Variants in P2RY14 observed in about 807,000 individuals in gnomAD.
P2RY14 encodes P2Y purinoceptor 14.
In P2RY14, 2 loss-of-function variants were observed where a neutral mutation model predicts 0.9. That is an observed-to-expected ratio of 2.16 (90% CI 0.88 to 6.79). The LOEUF (loss-of-function observed/expected upper bound fraction) is 6.79. Ranked by LOEUF, P2RY14 falls within the 30% of genes most tolerant of loss-of-function variation. P2RY14 has a pLI of 0.05. For missense variants in P2RY14, 378 were observed against 400.1 expected (o/e 0.94, Z 0.47); for synonymous variants, 158 against 147.2 (o/e 1.07, Z -0.53).
At chr3:151,233,305 A>C (rs182628648) in intron 1 of P2RY14, among the ~76,000 whole-genome samples, 1 of 152,340 alleles carries the variant, frequency 6.6e-6, no homozygotes, top group Admixed American at 6.5e-5. Context: ...AGCAATAGCT[A>C]CCATTCATTT....
chr3:151,263,452 G>A (rs1374873798), intron 1 of P2RY14, among the ~76,000 whole-genome samples: 1 of 152,170 alleles, frequency 6.6e-6, no homozygotes, highest in Non-Finnish European at 1.5e-5. Context: ...AAGTCACTGA[G>A]CCTTTAAATA....
rs552056809 is a variant in P2RY14 at position 151,238,677 on chromosome 3, GACAT to G, written c.-132-19039_-132-19036del. On this transcript the variant is annotated intron_variant, in intron 1 of 2. Coordinates refer to ENST00000309170, the MANE Select transcript of P2RY14 (RefSeq NM_014879.4). ...TGTTCATTGCATTTTATACCTTACT[GACAT>G]ACAATCTTAAACAAGAAAAGAAAAA... Among the ~76,000 whole-genome samples the G allele has an allele frequency of 5.3e-4, 73 of 136,824 alleles. 1 individual carries two copies. The highest frequency in any genetic ancestry group is 3.6e-3 in the Middle Eastern group (1 of 276). The allele number at this position is 136,824 out of a possible 152,430, so 89.8% of individuals were successfully genotyped here.
At chr3:151,215,610 G>A (rs532258377) in intron 2 of P2RY14, among the ~76,000 whole-genome samples, 62 of 152,174 alleles carry the variant, frequency 4.1e-4, no homozygotes, top group Admixed American at 3.1e-3. Context: ...CACTGATGTC[G>A]GAAGTGTTGA....
chr3:151,217,055 A>G (rs976412746), intron 2 of P2RY14, among the ~76,000 whole-genome samples: 1 of 152,212 alleles, frequency 6.6e-6, no homozygotes, highest in African/African-American at 2.4e-5. Context: ...TTGAGTTTAA[A>G]ATATAAAAAA....
chr3:151,256,429 C>T (rs1415502392), intron 1 of P2RY14, among the ~76,000 whole-genome samples: 2 of 152,162 alleles, frequency 1.3e-5, no homozygotes, highest in African/African-American at 4.8e-5. Flanking sequence ...CAGGATCAAC[C>T]AGAGCTGGTG....
intron 2 of P2RY14, among the ~76,000 whole-genome samples, chr3:151,217,989 G>A (rs927062681): frequency 6.6e-6 from 1 of 152,034 alleles, no homozygotes; most frequent in African/African-American, 2.4e-5. Flanking sequence ...TGAAAATCAG[G>A]ACAAAATCAT....
In P2RY14 at chr3:151,244,913, C is replaced by G. The variant is rs965042388; in HGVS notation, c.-132-25271G>C. The stretch of plus-strand genomic sequence containing the variant: ...AAAAAGAGAGAAGAATCTAATAGAC[C>G]CAATAAAAAATGATAAAGGGGATAT... On this transcript the variant is annotated intron_variant, in intron 1 of 2. Transcript: ENST00000309170. 8.1e-3 allele frequency among the ~76,000 whole-genome samples: 1,237 copies of G among 151,850 alleles called. 9 individuals carry two copies. Among genetic ancestry groups the G allele is most frequent in the Non-Finnish European group, 0.012 (834 of 67,898 alleles).
rs1053169859 is a variant in P2RY14 at position 151,267,416 on chromosome 3, G to T, written c.-133+10871C>A. On this transcript the variant is annotated intron_variant, in intron 1 of 2. Coordinates refer to ENST00000309170, the MANE Select transcript of P2RY14 (RefSeq NM_014879.4). ...TCTTTTTAGAAAGAAACAATATCAA[G>T]GTTATATGTTACTTTCTCTTTTTTC... 3.7e-4 allele frequency among the ~76,000 whole-genome samples: 56 copies of T among 152,220 alleles called. 1 individual carries two copies. The highest frequency in any genetic ancestry group is 1.1e-3 in the African/African-American group (47 of 41,540).
chr3:151,237,499 G>A (rs146128214), intron 1 of P2RY14, among the ~76,000 whole-genome samples: 2,275 of 151,322 alleles, frequency 0.015, 28 homozygotes, highest in Middle Eastern at 0.051. Context: ...ACAGGTGCCC[G>A]CCACCATGCC....
intron 1 of P2RY14, among the ~76,000 whole-genome samples, chr3:151,230,017 T>C (rs1311505758): frequency 2.6e-5 from 4 of 152,280 alleles, no homozygotes; most frequent in Admixed American, 2.6e-4. Flanking sequence ...TTGCCCAGGC[T>C]GGAGTGCAGT....
At chr3:151,261,258 A>G (rs1285266099) in intron 1 of P2RY14, 1 of 152,170 alleles carries the variant, frequency 6.6e-6, no homozygotes, top group African/African-American at 2.4e-5. Flanking sequence ...AAAAACCCCA[A>G]AAGGCAGAGG....
At chr3:151,268,971 G>C (rs1372249460) in intron 1 of P2RY14, among the ~76,000 whole-genome samples, 1 of 152,168 alleles carries the variant, frequency 6.6e-6, no homozygotes, top group Non-Finnish European at 1.5e-5. Context: ...TTGTGGTCTG[G>C]TTCTTGAACT....
intron 1 of P2RY14, among the ~76,000 whole-genome samples, chr3:151,272,048 A>G (rs181397798): frequency 6.6e-6 from 1 of 152,360 alleles, no homozygotes. Flanking sequence ...TTGCTCTTGA[A>G]GCAATACAGA....
intron 1 of P2RY14, among the ~76,000 whole-genome samples, chr3:151,223,502 A>G (rs1010168464): frequency 6.6e-6 from 1 of 152,338 alleles, no homozygotes; most frequent in African/African-American, 2.4e-5. Context: ...GTGGAATACT[A>G]TGCAGCCATA....
At chr3:151,216,155 A>G (rs1728176779) in intron 2 of P2RY14, among the ~76,000 whole-genome samples, 1 of 152,148 alleles carries the variant, frequency 6.6e-6, no homozygotes, top group Non-Finnish European at 1.5e-5. Context: ...TTTACTCTTG[A>G]ATTCTTTGCA....
chr3:151,231,941 G>A (rs1269933957), intron 1 of P2RY14, among the ~76,000 whole-genome samples: 7 of 152,160 alleles, frequency 4.6e-5, no homozygotes, highest in Admixed American at 3.3e-4. Context: ...GTATAAACTT[G>A]TGTATTCATG....
At chr3:151,271,065 C>A in intron 1 of P2RY14, among the ~76,000 whole-genome samples, 1 of 149,796 alleles carries the variant, frequency 6.7e-6, no homozygotes, top group South Asian at 2.1e-4. Flanking sequence ...TTTTTGTAGA[C>A]ACCATTAAGA....
chr3:151,261,087 G>A (rs1022548790), intron 1 of P2RY14, among the ~76,000 whole-genome samples: 1 of 152,054 alleles, frequency 6.6e-6, no homozygotes, highest in Non-Finnish European at 1.5e-5. Context: ...GAAGCATCTT[G>A]ATTTTCAGGG....
chr3:151,254,513 C>T (rs564598940), intron 1 of P2RY14, among the ~76,000 whole-genome samples: 1 of 152,206 alleles, frequency 6.6e-6, no homozygotes, highest in Non-Finnish European at 1.5e-5. Context: ...GATATGTAAA[C>T]ATGCTATATA....
Sources: allele counts gnomAD v4.1 joint callset (sites outside exome capture counted in the v4.1 genomes callset), GRCh38; gene constraint gnomAD v4.1.1; transcripts MANE v1.5; gene names NCBI Gene and HGNC (gene_info 2026-07-23, HGNC 2026-07-21).